The following ADM variants were observed in gnomAD, a reference collection of about 807,000 sequenced individuals.
ADM encodes adrenomedullin, also known as pro-adrenomedullin.
In ADM, 4 loss-of-function variants were observed where a neutral mutation model predicts 9.0. That is an observed-to-expected ratio of 0.44 (90% confidence interval 0.22 to 1.02). ADM has a LOEUF of 1.02. Ranked by LOEUF, ADM falls within the 50% of genes least tolerant of loss-of-function variation. The probability of loss-of-function intolerance (pLI) is 0.24; values close to 1 mark genes in which losing one functional copy is unlikely to be tolerated. For missense variants in ADM, 253 were observed against 254.1 expected (o/e 1.00, Z 0.03); for synonymous variants, 107 against 107.2 (o/e 1.00, Z 0.01).
Position 10,305,857 on chromosome 11 carries a change from G to T in ADM, c.98+59G>T, listed in dbSNP as rs778582912. The stretch of plus-strand genomic sequence containing the variant: ...ACCTGGCAGGCAAGGGGAACTGACC[G>T]TTGGTCCCGAAGGTCTAGAAGTGAA... On this transcript the variant is annotated intron_variant, in intron 2 of 3. Coordinates refer to ENST00000278175, the MANE Select transcript of ADM (RefSeq NM_001124.3). 3.9e-4 allele frequency: 636 copies of T among 1,612,070 alleles called. 5 individuals carry two copies. Among genetic ancestry groups the T allele is most frequent in the Middle Eastern group, 3.3e-4 (2 of 6,054 alleles).
At position 10,305,755 on chromosome 11, in the gene ADM, G is replaced by A; in HGVS notation, c.55G>A (p.Ala19Thr). The A allele has an allele frequency of 1.2e-6, 2 of 1,614,170 alleles. No individual in the cohort carries two copies. The highest frequency in any genetic ancestry group is 1.7e-5 in the Admixed American group (1 of 60,034). Residue 19 changes from alanine (A) to threonine (T), a missense_variant, in exon 2 of 4, where the codon GCT becomes ACT. By Grantham distance (58) the Ala-to-Thr change is moderately conservative. Coordinates refer to ENST00000278175, the MANE Select transcript of ADM (RefSeq NM_001124.3). Reference protein sequence around the residue: ...MYLGSLAFLGADTARLDVASE... With the variant: ...MYLGSLAFLGTDTARLDVASE... ...CCTGGGTTCGCTCGCCTTCCTAGGC[G>A]CTGACACCGCTCGGTTGGATGTCGC...
chr11:10,306,397 T>G lies in ADM; in HGVS notation c.314T>G (p.Leu105Arg), dbSNP rs866552090. ...CAGAGCATGAACAACTTCCAGGGCC[T>G]CCGGAGCTTTGGCTGCCGCTTCGGG... is the stretch of plus-strand genomic sequence containing the variant. The part of the protein sequence containing the change: ...YRQSMNNFQG[L>R]RSFGCRFGTC... The change falls in exon 4 of 4, where the codon CTC becomes CGC. Residue 105 changes from leucine to arginine, a missense_variant. Transcript: ENST00000278175. The G allele has an allele frequency of 6.4e-7, 1 of 1,568,214 alleles. No individual in the cohort carries two copies. The highest frequency in any genetic ancestry group is 1.8e-5 in the Admixed American group (1 of 56,760).
chr11:10,306,311 T>TGGGGCGGGG, intron 3 of ADM, 21 bp from the exon 4 acceptor site: 1 of 1,543,788 alleles, frequency 6.5e-7, no homozygotes, highest in Non-Finnish European at 8.9e-7. Flanking sequence ...TTGCCTTTCT[T>TGGGGCGGGG]CCCCCTCCCC....
chr11:10,306,176 G>GC, intron 3 of ADM, 78 bp downstream of exon 3: 3 of 1,571,298 alleles, frequency 1.9e-6, no homozygotes, highest in Non-Finnish European at 2.6e-6. Flanking sequence ...CACTCCCCTG[G>GC]CCCGGGGGAT....
chr11:10,306,355 G>T lies in ADM; in HGVS notation c.272G>T (p.Arg91Leu). 2 of 1,511,456 alleles carry T rather than the reference G, an allele frequency of 1.3e-6. No homozygotes were observed. Among genetic ancestry groups the T allele is most frequent in the Non-Finnish European group, 1.8e-6 (2 of 1,101,976 alleles). The allele number at this position is 1,511,456 out of a possible 1,614,324, so 93.6% of individuals were successfully genotyped here. ...EDSSPDAARI[R>L]VKRYRQSMNN... is the part of the protein sequence containing the mutation. ...AGCAGTCCGGATGCCGCCCGCATCCGAGTCAAGCGCTACCGCCAGAGCATG... is the reference window on the plus strand; with the variant it reads ...AGCAGTCCGGATGCCGCCCGCATCCTAGTCAAGCGCTACCGCCAGAGCATG... Residue 91 changes from arginine (R) to leucine (L), a missense_variant, in exon 4 of 4, where the codon CGA becomes CTA. Arg to Leu is a moderately radical substitution (Grantham distance 102). Coordinates refer to ENST00000278175, the MANE Select transcript of ADM (RefSeq NM_001124.3).
At position 10,305,206 on chromosome 11, in the gene ADM, C is replaced by T. The variant is rs992415077; in HGVS notation, c.-45C>T. ...CGTCTGAGACTTTCTCCTTCAAGTA[C>T]TTGGCAGATCACTCTCTTAGCAGGT... is the stretch of plus-strand genomic sequence containing the variant. On this transcript the variant is annotated 5_prime_UTR_variant, in exon 1 of 4. Transcript: ENST00000278175. 1 of 163,972 alleles carries T rather than the reference C, an allele frequency of 6.1e-6. No homozygotes were observed. The highest frequency in any genetic ancestry group is 2.4e-5 in the African/African-American group (1 of 41,528). The allele number at this position is 163,972 out of a possible 1,614,324, so 10.2% of individuals were successfully genotyped here.
rs573280699 is a variant in ADM at position 10,306,046 on chromosome 11, A to G, written c.196A>G (p.Thr66Ala). 6.2e-7 allele frequency: 1 copy of G among 1,613,888 alleles called. No individual in the cohort carries two copies. The highest frequency in any genetic ancestry group is 1.3e-5 in the African/African-American group (1 of 74,976). The change falls in exon 3 of 4, where the codon ACC (threonine) becomes GCC (alanine). Residue 66 changes from threonine to alanine, a missense_variant. Thr to Ala is a moderately conservative substitution (Grantham distance 58). Transcript: ENST00000278175. ...TGACGTGAAGGCCGGGCCTGCCCAG[A>G]CCCTTATTCGGCCCCAGGACATGAA... ...LADVKAGPAQ[T>A]LIRPQDMKGA...
Position 10,306,074 on chromosome 11 carries a change from G to C in ADM, c.224G>C (p.Gly75Ala). Residue 75 changes from glycine to alanine, a missense_variant, in exon 3 of 4, where the codon GGT becomes GCT. By Grantham distance (60) the Gly-to-Ala change is moderately conservative. Coordinates refer to ENST00000278175, the MANE Select transcript of ADM (RefSeq NM_001124.3). ...QTLIRPQDMK[G>A]ASRSPEDSSP... ...CTTATTCGGCCCCAGGACATGAAGG[G>C]TGCCTCTCGAAGCCCCGAAGACAGG... is the stretch of plus-strand genomic sequence containing the variant. 1 of 1,614,022 alleles carries C rather than the reference G, an allele frequency of 6.2e-7. No individual in the cohort carries two copies. The highest frequency in any genetic ancestry group is 8.5e-7 in the Non-Finnish European group (1 of 1,180,024).
Position 10,305,783 on chromosome 11 carries a change from C to G in ADM, c.83C>G (p.Ser28Trp), listed in dbSNP as rs1050560995. Residue 28 changes from serine to tryptophan, a missense_variant, in exon 2 of 4, where the codon TCG becomes TGG. Ser to Trp is a radical substitution (Grantham distance 177). Transcript: ENST00000278175. The stretch of plus-strand genomic sequence containing the variant: ...GACACCGCTCGGTTGGATGTCGCGT[C>G]GGAGTTTCGAAAGAAGTGAGTCCGG... ...GADTARLDVA[S>W]EFRKKWNKWA... 1.7e-5 allele frequency: 27 copies of G among 1,613,998 alleles called. No homozygotes were observed. Among genetic ancestry groups the G allele is most frequent in the Non-Finnish European group, 2.2e-5 (26 of 1,180,028 alleles).
Position 10,306,377 on chromosome 11 carries a change from C to A in ADM, c.294C>A (p.Ser98Arg), listed in dbSNP as rs1215038669. The A allele has an allele frequency of 1.1e-5, 18 of 1,612,644 alleles. No individual in the cohort carries two copies. The highest frequency in any genetic ancestry group is 1.4e-5 in the Non-Finnish European group (17 of 1,179,768). The change falls in exon 4 of 4, where the codon AGC (serine) becomes AGA (arginine). Residue 98 changes from serine to arginine, a missense_variant. Ser to Arg is a moderately radical substitution (Grantham distance 110). Coordinates refer to ENST00000278175, the MANE Select transcript of ADM (RefSeq NM_001124.3). Reference sequence around the variant, plus strand: ...TCCGAGTCAAGCGCTACCGCCAGAGCATGAACAACTTCCAGGGCCTCCGGA... The same window carrying A: ...TCCGAGTCAAGCGCTACCGCCAGAGAATGAACAACTTCCAGGGCCTCCGGA... Reference protein sequence around the residue: ...ARIRVKRYRQSMNNFQGLRSF... With the variant: ...ARIRVKRYRQRMNNFQGLRSF...
chr11:10,306,358 T>C lies in ADM; in HGVS notation c.275T>C (p.Val92Ala). 7.9e-7 allele frequency: 1 copy of C among 1,268,526 alleles called. No homozygotes were observed. Among genetic ancestry groups the C allele is most frequent in the Non-Finnish European group, 1.1e-6 (1 of 946,960 alleles). 78.6% of individuals were successfully genotyped at this position (1,268,526 alleles called of 1,614,324 possible). Residue 92 changes from valine to alanine, a missense_variant, in exon 4 of 4, where the codon GTC (valine) becomes GCC (alanine). By Grantham distance (64) the Val-to-Ala change is moderately conservative (BLOSUM62 0). Transcript: ENST00000278175. ...DSSPDAARIRVKRYRQSMNNF... is the reference protein window; with the variant it reads ...DSSPDAARIRAKRYRQSMNNF... ...AGTCCGGATGCCGCCCGCATCCGAG[T>C]CAAGCGCTACCGCCAGAGCATGAAC...
chr11:10,306,316 C>T lies in ADM; in HGVS notation c.249-16C>T. On this transcript the variant is annotated splice_polypyrimidine_tract_variant and intron_variant, in intron 3 of 3. Coordinates refer to ENST00000278175, the MANE Select transcript of ADM (RefSeq NM_001124.3). ...GGGTCTCAAGTTGCCTTTCTTCCCC[C>T]TCCCCCCGCCCGCAGCAGTCCGGAT... The T allele has an allele frequency of 1.9e-6, 2 of 1,067,408 alleles. No homozygotes were observed. Among genetic ancestry groups the T allele is most frequent in the Non-Finnish European group, 2.8e-6 (2 of 719,714 alleles). The allele number at this position is 1,067,408 out of a possible 1,614,324, so 66.1% of individuals were successfully genotyped here.
chr11:10,306,773 C>A lies in ADM; in HGVS notation c.*132C>A, dbSNP rs1964665865. ...GCGGAGACCCTGAGTCCGGGAGGCA[C>A]CGTCCGGCGGCGAGCTCTGGCTTTG... On this transcript the variant is annotated 3_prime_UTR_variant, in exon 4 of 4. Transcript: ENST00000278175. The A allele has an allele frequency of 2.1e-6, 2 of 931,652 alleles. No individual in the cohort carries two copies. Among genetic ancestry groups the A allele is most frequent in the African/African-American group, 1.7e-5 (1 of 57,956 alleles). The allele number at this position is 931,652 out of a possible 1,614,324, so 57.7% of individuals were successfully genotyped here. A position where few individuals can be genotyped will look rare whatever the true frequency, so the allele number is the denominator to read the frequency against.
chr11:10,306,770 G>A lies in ADM; in HGVS notation c.*129G>A, dbSNP rs1964665834. ...CCTGCGGAGACCCTGAGTCCGGGAG[G>A]CACCGTCCGGCGGCGAGCTCTGGCT... On this transcript the variant is annotated 3_prime_UTR_variant, in exon 4 of 4. Transcript: ENST00000278175. The A allele has an allele frequency of 1.1e-6, 1 of 940,850 alleles. No individual in the cohort carries two copies. Among genetic ancestry groups the A allele is most frequent in the Non-Finnish European group, 1.5e-6 (1 of 663,644 alleles). 58.3% of individuals were successfully genotyped at this position (940,850 alleles called of 1,614,324 possible). A position where few individuals can be genotyped will look rare whatever the true frequency, so the allele number is the denominator to read the frequency against.
rs529300345 is a variant in ADM, at chr11:10,306,486, G to A, written c.403G>A (p.Val135Ile). 45 of 1,613,280 alleles carry A rather than the reference G, an allele frequency of 2.8e-5. No homozygotes were observed. In the East Asian group the frequency reaches 8.5e-4, roughly 30 times the overall value. ...YQFTDKDKDN[V>I]APRSKISPQG... ...GTTCACAGATAAGGACAAGGACAAC[G>A]TCGCCCCCAGGAGCAAGATCAGCCC... The change falls in exon 4 of 4, where the codon GTC (valine) becomes ATC (isoleucine). Residue 135 changes from valine to isoleucine, a missense_variant. Transcript: ENST00000278175.
rs1294418047 is a variant in ADM, at chr11:10,305,858, T to G, written c.98+60T>G. 2.5e-6 allele frequency: 4 copies of G among 1,612,038 alleles called. No homozygotes were observed. The African/African-American group carries it at 4.0e-5, about 16-fold the overall frequency. Reference sequence around the variant, plus strand: ...CCTGGCAGGCAAGGGGAACTGACCGTTGGTCCCGAAGGTCTAGAAGTGAAT... The same window carrying G: ...CCTGGCAGGCAAGGGGAACTGACCGGTGGTCCCGAAGGTCTAGAAGTGAAT... On this transcript the variant is annotated intron_variant, in intron 2 of 3. Coordinates refer to ENST00000278175, the MANE Select transcript of ADM (RefSeq NM_001124.3).
Position 10,306,973 on chromosome 11 carries a change from C to T in ADM, c.*332C>T, listed in dbSNP as rs1174864053. 4.0e-6 allele frequency: 1 copy of T among 250,682 alleles called. No homozygotes were observed. The highest frequency in any genetic ancestry group is 5.6e-5 in the Admixed American group (1 of 17,894). The allele number at this position is 250,682 out of a possible 1,614,324, so 15.5% of individuals were successfully genotyped here. On this transcript the variant is annotated 3_prime_UTR_variant, in exon 4 of 4. Coordinates refer to ENST00000278175, the MANE Select transcript of ADM (RefSeq NM_001124.3). ...TCTGAGCCACAGCCGTGCTCGCCCACAAACTGATTTCTCACGGCGTGTCAC... is the reference window on the plus strand; with the variant it reads ...TCTGAGCCACAGCCGTGCTCGCCCATAAACTGATTTCTCACGGCGTGTCAC...
Position 10,306,308 on chromosome 11 carries a change from TCTTCCCC to T in ADM, c.249-21_249-15del. 1 of 1,567,846 alleles carries T rather than the reference TCTTCCCC, an allele frequency of 6.4e-7. No individual in the cohort carries two copies. Among genetic ancestry groups the T allele is most frequent in the African/African-American group, 1.4e-5 (1 of 73,750 alleles). ...GCTTGATGGGGTCTCAAGTTGCCTT[TCTTCCCC>T]CTCCCCCCGCCCGCAGCAGTCCGGA... On this transcript the variant is annotated splice_polypyrimidine_tract_variant and intron_variant, in intron 3 of 3. Transcript: ENST00000278175.
chr11:10,306,510 C>T lies in ADM; in HGVS notation c.427C>T (p.Pro143Ser), dbSNP rs1268021154. ...DNVAPRSKIS[P>S]QGYGRRRRRS... ...CGTCGCCCCCAGGAGCAAGATCAGC[C>T]CCCAGGGCTACGGCCGCCGGCGCCG... Residue 143 changes from proline (P) to serine (S), a missense_variant, in exon 4 of 4, where the codon CCC becomes TCC. Transcript: ENST00000278175. The T allele has an allele frequency of 6.2e-7, 1 of 1,613,192 alleles. No individual in the cohort carries two copies. The highest frequency in any genetic ancestry group is 1.1e-5 in the South Asian group (1 of 91,026).
Sources: allele counts gnomAD v4.1 joint callset, GRCh38; gene constraint gnomAD v4.1.1; transcripts MANE v1.5; gene names NCBI Gene and HGNC (gene_info 2026-07-23, HGNC 2026-07-21).